The following SPATA31C2 variants were observed in gnomAD, a reference collection of about 807,000 sequenced individuals.
The protein encoded by SPATA31C2 is spermatogenesis-associated protein 31C2.
In SPATA31C2, 5 loss-of-function variants were observed where a neutral mutation model predicts 11.4. The observed-to-expected ratio is 0.44, with a 90% confidence interval of 0.23 to 0.92. SPATA31C2 has a LOEUF of 0.92. Ranked by LOEUF, SPATA31C2 falls within the 40% of genes least tolerant of loss-of-function variation. The pLI is 0.24. For missense variants in SPATA31C2, 1,353 were observed against 1,368.6 expected, an observed-to-expected ratio of 0.99 and a Z score of 0.18; for synonymous variants, 515 against 538.7, an observed-to-expected ratio of 0.96 and a Z score of 0.61.
Position 88,131,548 on chromosome 9 carries a change from C to G in SPATA31C2, c.1489G>C (p.Glu497Gln), listed in dbSNP as rs1236532938. 1.2e-6 allele frequency: 2 copies of G among 1,611,644 alleles called. No homozygotes were observed. The highest frequency in any genetic ancestry group is 1.7e-5 in the Admixed American group (1 of 59,966). The change falls in exon 4 of 4, where the codon GAA becomes CAA. Residue 497 changes from glutamate to glutamine, a missense_variant. Physicochemically the swap from Glu to Gln is conservative, Grantham distance 29. Around this residue, in one of 6 missense-constraint regions of SPATA31C2, gnomAD observed 1,075 missense variants for 992.8 expected, o/e 1.08. Transcript: ENST00000324915. ...RPWQSSTSTG[E>Q]SSKEAQTVKF... ...ACCGTCTGTGCCTCCTTGCTGCTTT[C>G]ACCTGTGGACGTGGAGGACTGCCAG...
Position 88,131,587 on chromosome 9 carries a change from C to G in SPATA31C2, c.1450G>C (p.Gly484Arg), listed in dbSNP as rs938963044. 3 of 1,611,840 alleles carry G rather than the reference C, an allele frequency of 1.9e-6. No homozygotes were observed. The South Asian group carries it at 3.3e-5, about 18-fold the overall frequency. ...GAGGACTGCCAGGGCCTGGGTTTGC[C>G]CTTGGCCTGACTTGTCCCTGGCAAT... ...DELPGTSQAKGKPRPWQSSTS... is the reference protein window; with the variant it reads ...DELPGTSQAKRKPRPWQSSTS... Residue 484 changes from glycine to arginine, a missense_variant, in exon 4 of 4, where the codon GGC becomes CGC. Gly to Arg is a moderately radical substitution (Grantham distance 125, BLOSUM62 -2). This residue lies in a region of SPATA31C2 where 1,075 missense variants were observed against 992.8 expected (regional missense o/e 1.08). Transcript: ENST00000324915.
chr9:88,131,099 C>T lies in SPATA31C2; in HGVS notation c.1938G>A (p.Leu646=), dbSNP rs1423883182. ...SFLEPCTQQV[L]GAHIVRFWAK... ...CCCAAAACCTCACAATATGGGCTCC[C>T]AGCACCTGCTGAGTACACGGCTCAA... is the stretch of plus-strand genomic sequence containing the variant. The change falls in exon 4 of 4, where the codon CTG becomes CTA. Residue 646 remains leucine (L), a synonymous_variant. Transcript: ENST00000324915. 1 of 1,611,934 alleles carries T rather than the reference C, an allele frequency of 6.2e-7. No individual in the cohort carries two copies. Among genetic ancestry groups the T allele is most frequent in the East Asian group, 2.2e-5 (1 of 44,880 alleles).
chr9:88,133,689 G>C lies in SPATA31C2; in HGVS notation c.190-20C>G, dbSNP rs144265118. 36,599 of 1,565,560 alleles carry C rather than the reference G, an allele frequency of 0.023. 482 individuals carry two copies. Among genetic ancestry groups the C allele is most frequent in the Non-Finnish European group, 0.026 (29,595 of 1,153,262 alleles). ...ATGACGCTGGGAGACAAGAAATGGC[G>C]AGGAGCTAGGACCGGCTCTCCCTCT... On this transcript the variant is annotated intron_variant, in intron 1 of 3. Transcript: ENST00000324915.
Position 88,131,108 on chromosome 9 carries a change from C to G in SPATA31C2, c.1929G>C (p.Gln643His). The change falls in exon 4 of 4, where the codon CAG becomes CAC. Residue 643 changes from glutamine to histidine, a missense_variant. By Grantham distance (24) the Gln-to-His change is conservative. Transcript: ENST00000324915. Reference protein sequence around the residue: ...QVLSFLEPCTQQVLGAHIVRF... With the variant: ...QVLSFLEPCTHQVLGAHIVRF... ...TCACAATATGGGCTCCCAGCACCTGCTGAGTACACGGCTCAAGGAAGGAAA... is the reference window on the plus strand; with the variant it reads ...TCACAATATGGGCTCCCAGCACCTGGTGAGTACACGGCTCAAGGAAGGAAA... 6.2e-7 allele frequency: 1 copy of G among 1,612,022 alleles called. No individual in the cohort carries two copies.
In SPATA31C2 at chr9:88,133,677, A is replaced by T; in HGVS notation, c.190-8T>A. ...CTGGGAGACAAGATGACGCTGGGAG[A>T]CAAGAAATGGCGAGGAGCTAGGACC... On this transcript the variant is annotated splice_region_variant and splice_polypyrimidine_tract_variant and intron_variant, in intron 1 of 3. Coordinates refer to ENST00000324915, the MANE Select transcript of SPATA31C2 (RefSeq NM_001350978.3). The T allele has an allele frequency of 1.2e-6, 2 of 1,602,030 alleles. No individual in the cohort carries two copies. The highest frequency in any genetic ancestry group is 1.7e-6 in the Non-Finnish European group (2 of 1,171,576).
intron 1 of SPATA31C2, among the ~76,000 whole-genome samples, chr9:88,133,879 C>A (rs1825642943): frequency 6.6e-6 from 1 of 152,072 alleles, no homozygotes; most frequent in East Asian, 1.9e-4. Flanking sequence ...CAGTGGCTCA[C>A]GGTGCGGTGG....
In SPATA31C2 at chr9:88,132,510, G is replaced by T; in HGVS notation, c.527C>A (p.Pro176Gln). 6.2e-7 allele frequency: 1 copy of T among 1,610,906 alleles called. No individual in the cohort carries two copies. ...GACTGAGGTGGTCATTGGGCCTGGTGGTGGGGTGGAGGCCAGATCCTGAGG... is the reference window on the plus strand; with the variant it reads ...GACTGAGGTGGTCATTGGGCCTGGTTGTGGGGTGGAGGCCAGATCCTGAGG... Reference protein sequence around the residue: ...KHPQDLASTPPPGPMTTSVSS... With the variant: ...KHPQDLASTPQPGPMTTSVSS... The change falls in exon 4 of 4, where the codon CCA becomes CAA. Residue 176 changes from proline (P) to glutamine (Q), a missense_variant. Pro to Gln is a moderately conservative substitution (Grantham distance 76). This residue lies in a region of SPATA31C2 where 1,075 missense variants were observed against 992.8 expected (regional missense o/e 1.08). Coordinates refer to ENST00000324915, the MANE Select transcript of SPATA31C2 (RefSeq NM_001350978.3).
intron 1 of SPATA31C2, among the ~76,000 whole-genome samples, chr9:88,136,698 A>G: frequency 7.2e-6 from 1 of 138,436 alleles, no homozygotes; most frequent in African/African-American, 2.7e-5. Flanking sequence ...TTTGAGATGG[A>G]GTCTTCCTCC....
At position 88,130,794 on chromosome 9, in the gene SPATA31C2, A is replaced by C; in HGVS notation, c.2243T>G (p.Ile748Ser). The change falls in exon 4 of 4, where the codon ATC becomes AGC. Residue 748 changes from isoleucine (I) to serine (S), a missense_variant. Ile to Ser is a moderately radical substitution (Grantham distance 142). Coordinates refer to ENST00000324915, the MANE Select transcript of SPATA31C2 (RefSeq NM_001350978.3). ...GGACCCATGATCATTCGAAGATGGG[A>C]TCCCTCGCGGGGCCCTCTGGAACTG... ...CKQFQRAPRG[I>S]PSSNDHGSLK... 6.2e-7 allele frequency: 1 copy of C among 1,612,962 alleles called. No homozygotes were observed. Among genetic ancestry groups the C allele is most frequent in the African/African-American group, 1.3e-5 (1 of 74,998 alleles).
At chr9:88,135,724 A>G (rs1330307372) in intron 1 of SPATA31C2, among the ~76,000 whole-genome samples, 261 of 130,080 alleles carry the variant, frequency 2.0e-3, no homozygotes, top group Non-Finnish European at 2.4e-3. Flanking sequence ...TCACCGTGTT[A>G]GCCAGGATGG....
intron 1 of SPATA31C2, among the ~76,000 whole-genome samples, chr9:88,133,967 G>A (rs1167526961): frequency 2.6e-5 from 4 of 152,080 alleles, no homozygotes; most frequent in Non-Finnish European, 5.9e-5. Flanking sequence ...GACCAGCCTA[G>A]CCATGGTGAA....
Position 88,132,395 on chromosome 9 carries a change from T to G in SPATA31C2, c.642A>C (p.Pro214=), listed in dbSNP as rs1231573215. 1 of 1,610,574 alleles carries G rather than the reference T, an allele frequency of 6.2e-7. No individual in the cohort carries two copies. Among genetic ancestry groups the G allele is most frequent in the East Asian group, 2.2e-5 (1 of 44,738 alleles). The change falls in exon 4 of 4, where the codon CCA becomes CCC. Residue 214 remains proline (P), a synonymous_variant. Coordinates refer to ENST00000324915, the MANE Select transcript of SPATA31C2 (RefSeq NM_001350978.3). ...PEPPALFPHP[P]RTPDPLACSP... ...AGCAGGCCAGAGGATCAGGAGTGCG[T>G]GGTGGGTGAGGGAAAAGTGCAGGTG... is the stretch of plus-strand genomic sequence containing the variant.
intron 1 of SPATA31C2, among the ~76,000 whole-genome samples, chr9:88,136,404 T>C (rs1392156650): frequency 7.0e-6 from 1 of 142,582 alleles, no homozygotes; most frequent in Non-Finnish European, 1.5e-5. Context: ...GTTGTCGTTG[T>C]TGACTTTTGA....
In SPATA31C2 at chr9:88,130,283, T is replaced by C; in HGVS notation, c.2754A>G (p.Leu918=). ...PTGNMQASQE[L]CDLMSARRSN... ...TCCTTCTGGCTGACATGAGGTCACA[T>C]AGCTCCTGGGAAGCCTGCATGTTCC... is the stretch of plus-strand genomic sequence containing the variant. Residue 918 remains leucine (L), a synonymous_variant, in exon 4 of 4, where the codon CTA becomes CTG. Transcript: ENST00000324915. The C allele has an allele frequency of 6.2e-7, 1 of 1,609,472 alleles. No individual in the cohort carries two copies. Among genetic ancestry groups the C allele is most frequent in the Non-Finnish European group, 8.5e-7 (1 of 1,178,778 alleles).
chr9:88,132,741 C>G (rs765227594), intron 3 of SPATA31C2, 31 bp from the exon 4 acceptor site: 38 of 1,585,752 alleles, frequency 2.4e-5, no homozygotes, highest in Middle Eastern at 1.9e-4. Context: ...AAGCTGCAGC[C>G]AGGAGCAGAT....
rs1318396493 is a variant in SPATA31C2, at chr9:88,130,133, T to C, written c.2904A>G (p.Glu968=). Residue 968 remains glutamate, a synonymous_variant, in exon 4 of 4, where the codon GAA becomes GAG. Coordinates refer to ENST00000324915, the MANE Select transcript of SPATA31C2 (RefSeq NM_001350978.3). The part of the protein sequence containing the change: ...NSRKPNLEKH[E]EMFQGLRTPQ... ...GAGTCCTCAATCCTTGAAACATTTC[T>C]TCATGTTTTTCTAAGTTGGGCTTCC... is the stretch of plus-strand genomic sequence containing the variant. The C allele has an allele frequency of 4.9e-5, 78 of 1,608,124 alleles. No homozygotes were observed. The highest frequency in any genetic ancestry group is 6.5e-5 in the Non-Finnish European group (77 of 1,177,612).
chr9:88,132,510 G>A lies in SPATA31C2; in HGVS notation c.527C>T (p.Pro176Leu), dbSNP rs1397393196. 1 of 1,610,906 alleles carries A rather than the reference G, an allele frequency of 6.2e-7. No homozygotes were observed. Among genetic ancestry groups the A allele is most frequent in the East Asian group, 2.2e-5 (1 of 44,656 alleles). ...GACTGAGGTGGTCATTGGGCCTGGT[G>A]GTGGGGTGGAGGCCAGATCCTGAGG... The part of the protein sequence containing the change: ...KHPQDLASTP[P>L]PGPMTTSVSS... The change falls in exon 4 of 4, where the codon CCA becomes CTA. Residue 176 changes from proline (P) to leucine (L), a missense_variant. Pro to Leu is a moderately conservative substitution (Grantham distance 98). Transcript: ENST00000324915.
chr9:88,131,123 AAGG>A lies in SPATA31C2; in HGVS notation c.1911_1913del (p.Leu638del), dbSNP rs1691017388. 6.2e-7 allele frequency: 1 copy of A among 1,612,038 alleles called. No homozygotes were observed. Among genetic ancestry groups the A allele is most frequent in the African/African-American group, 1.3e-5 (1 of 74,992 alleles). On this transcript the variant is annotated inframe_deletion, in exon 4 of 4. Transcript: ENST00000324915. Reference sequence around the variant, plus strand: ...CCAGCACCTGCTGAGTACACGGCTCAAGGAAGGAAAGCACCTGGGCTGTGTTCA... The same window carrying A: ...CCAGCACCTGCTGAGTACACGGCTCAAAGGAAAGCACCTGGGCTGTGTTCA...
At chr9:88,133,770 T>C in intron 1 of SPATA31C2, 101 bp from the exon 2 acceptor site, 3 of 1,416,710 alleles carry the variant, frequency 2.1e-6, no homozygotes, top group Non-Finnish European at 2.8e-6. Context: ...GCTCTGTCTG[T>C]CTTGCTCAGG....
Sources: gnomAD v4.1 joint callset for allele counts (sites outside exome capture counted in the v4.1 genomes callset) on GRCh38, gnomAD v4.1.1 for gene constraint, gnomAD v4.1.1 regional missense constraint, MANE v1.5 for transcripts, NCBI Gene and HGNC (gene_info 2026-07-23, HGNC 2026-07-21) for gene names.